The following URGCP variants were observed in gnomAD, a reference collection of about 807,000 sequenced individuals.
URGCP encodes the protein up-regulator of cell proliferation.
URGCP carries 13 observed loss-of-function variants against 24.6 expected under a neutral mutation model. That is an observed-to-expected ratio of 0.53 (90% CI 0.34 to 0.84). The LOEUF is 0.84. URGCP is among the 40% of genes least tolerant of loss of function. The pLI, the probability that URGCP is intolerant of heterozygous loss-of-function variation, is 0.01. For missense variants in URGCP, 899 were observed against 1,194.3 expected (o/e 0.75, Z 3.64); for synonymous variants, 444 against 487.2 (o/e 0.91, Z 1.17).
chr7:43,885,036 G>C (rs1442155827), intron 3 of URGCP, among the ~76,000 whole-genome samples: 1 of 152,036 alleles, frequency 6.6e-6, no homozygotes, highest in Non-Finnish European at 1.5e-5. Flanking sequence ...GCTTACATAG[G>C]TAAGTTCATG....
intron 1 of URGCP, among the ~76,000 whole-genome samples, chr7:43,891,590 C>A (rs2095870739): frequency 6.6e-6 from 1 of 152,180 alleles, no homozygotes; most frequent in African/African-American, 2.4e-5. Context: ...CAGTACTGCA[C>A]ATAGCTCTCT....
In URGCP at chr7:43,919,151, C is replaced by T. The variant is rs1402639365; in HGVS notation, c.-116+6981G>A. 5.8e-6 allele frequency: 5 copies of T among 862,696 alleles called. No homozygotes were observed. In the African/African-American group the frequency reaches 8.2e-5, roughly 14 times the overall value. The allele number at this position is 862,696 out of a possible 1,614,324, so 53.4% of individuals were successfully genotyped here. A position where few individuals can be genotyped will look rare whatever the true frequency, so the allele number is the denominator to read the frequency against. ...GGACAGGCTCTGGCCTGGGCTCCTA[C>T]CTCTTAGAATGGCTGAATGACAGGT... On this transcript the variant is annotated intron_variant, in intron 1 of 5. Transcript: ENST00000426198.
At position 43,876,924 on chromosome 7, in the gene URGCP, TGC is replaced by T; in HGVS notation, c.2537_2538del (p.Ser846LysfsTer25). On this transcript the variant is annotated frameshift_variant, in exon 6 of 6. Transcript: ENST00000453200. LOFTEE classifies it high-confidence loss of function. ...TGTTTCTCCATCTGGGCTGCAGCCC[TGC>T]TCAGGTCACCAGGTGGATCCAGGAG... ...RQLLDPPGDL[S>X]RAAAQMEKQG... 6.2e-7 allele frequency: 1 copy of T among 1,614,094 alleles called. No homozygotes were observed. The highest frequency in any genetic ancestry group is 8.5e-7 in the Non-Finnish European group (1 of 1,180,012).
chr7:43,893,806 G>C (rs1044524624), intron 1 of URGCP, among the ~76,000 whole-genome samples: 1 of 152,186 alleles, frequency 6.6e-6, no homozygotes, highest in Non-Finnish European at 1.5e-5. Context: ...GGGAGACGGA[G>C]GTTGCACTAA....
Position 43,877,653 on chromosome 7 carries a change from C to T in URGCP, c.1810G>A (p.Glu604Lys). 1 of 1,614,124 alleles carries T rather than the reference C, an allele frequency of 6.2e-7. No individual in the cohort carries two copies. The highest frequency in any genetic ancestry group is 8.5e-7 in the Non-Finnish European group (1 of 1,180,040). The part of the protein sequence containing the change: ...PKHGGTTDVG[E>K]PLWPEPLGVE... The stretch of plus-strand genomic sequence containing the variant: ...CCTAGGGGCTCAGGCCAGAGCGGCT[C>T]CCCCACGTCTGTGGTGCCCCCATGC... The change falls in exon 6 of 6, where the codon GAG becomes AAG. Residue 604 changes from glutamate (E) to lysine (K), a missense_variant. Coordinates refer to ENST00000453200, the MANE Select transcript of URGCP (RefSeq NM_001077663.3).
chr7:43,898,224 G>A (rs1018089580), intron 1 of URGCP, among the ~76,000 whole-genome samples: 2 of 152,194 alleles, frequency 1.3e-5, no homozygotes, highest in African/African-American at 4.8e-5. Context: ...GGTGCAGGTA[G>A]ACCTGGAAAA....
chr7:43,920,238 G>T (rs903806958), intron 1 of URGCP, among the ~76,000 whole-genome samples: 3 of 152,184 alleles, frequency 2.0e-5, no homozygotes, highest in Non-Finnish European at 4.4e-5. Flanking sequence ...CTTTAATAAA[G>T]CAGTGGATAT....
intron 3 of URGCP, among the ~76,000 whole-genome samples, chr7:43,886,102 A>G (rs1232621208): frequency 6.6e-6 from 1 of 152,208 alleles, no homozygotes; most frequent in East Asian, 1.9e-4. Flanking sequence ...AATGCTTACA[A>G]CAATGTTAGT....
At chr7:43,909,533 C>T (rs2095907724), upstream of URGCP, among the ~76,000 whole-genome samples, 1 of 151,718 alleles carries the variant, frequency 6.6e-6, no homozygotes, top group African/African-American at 2.4e-5. Flanking sequence ...TTGAGACAGC[C>T]TGGCCAACAT....
In URGCP at chr7:43,876,595, C is replaced by T. The variant is rs1031005864; in HGVS notation, c.*72G>A. 6 of 1,519,824 alleles carry T rather than the reference C, an allele frequency of 3.9e-6. No individual in the cohort carries two copies. The Admixed American group carries it at 9.2e-5, about 23-fold the overall frequency. The allele number at this position is 1,519,824 out of a possible 1,614,324, so 94.1% of individuals were successfully genotyped here. A position where few individuals can be genotyped will look rare whatever the true frequency, so the allele number is the denominator to read the frequency against. ...CATTCTCAGGCACCAGAGCACAGCC[C>T]CACACGGGTGCCCCATCAGACAGGG... On this transcript the variant is annotated 3_prime_UTR_variant, in exon 6 of 6. Coordinates refer to ENST00000453200, the MANE Select transcript of URGCP (RefSeq NM_001077663.3).
intron 1 of URGCP, chr7:43,889,214 T>C (rs1228319648): frequency 1.3e-5 from 2 of 152,180 alleles, no homozygotes; most frequent in African/African-American, 4.8e-5. Flanking sequence ...CAGGGTGCAG[T>C]GACTCATGCC....
At chr7:43,899,977 A>C (rs1031758102) in intron 1 of URGCP, among the ~76,000 whole-genome samples, 2 of 152,048 alleles carry the variant, frequency 1.3e-5, no homozygotes, top group Admixed American at 6.5e-5. Flanking sequence ...TCTACAAAAA[A>C]AATTTCTTAA....
At chr7:43,903,917 C>T (rs1224338073) in intron 1 of URGCP, among the ~76,000 whole-genome samples, 1 of 152,066 alleles carries the variant, frequency 6.6e-6, no homozygotes, top group Non-Finnish European at 1.5e-5. Context: ...AAAGAGCAGG[C>T]AGAGGAGCTG....
intron 3 of URGCP, among the ~76,000 whole-genome samples, chr7:43,887,169 A>G (rs2095863378): frequency 6.6e-6 from 1 of 152,166 alleles, no homozygotes; most frequent in South Asian, 2.1e-4. Context: ...CACTTACTCC[A>G]TTTTCTAGAA....
At chr7:43,887,379 C>A in intron 3 of URGCP, 36 bp downstream of exon 3, 1 of 1,611,756 alleles carries the variant, frequency 6.2e-7, no homozygotes, top group Middle Eastern at 1.7e-4. Flanking sequence ...TACTTCAGCT[C>A]CAGAGTGGGC....
intron 1 of URGCP, among the ~76,000 whole-genome samples, chr7:43,924,441 C>T (rs1160309235): frequency 6.6e-6 from 1 of 152,130 alleles, no homozygotes; most frequent in Non-Finnish European, 1.5e-5. Flanking sequence ...TTCAAAACCA[C>T]CATATACATT....
At chr7:43,906,768 G>T (rs1444887517), upstream of URGCP, 1 of 274,490 alleles carries the variant, frequency 3.6e-6, no homozygotes, top group Admixed American at 5.7e-5. Flanking sequence ...GGGCGGGGTG[G>T]GGGCGGGGCG....
chr7:43,905,097 GTT>G (rs2095898609), intron 1 of URGCP, among the ~76,000 whole-genome samples: 1 of 152,112 alleles, frequency 6.6e-6, no homozygotes, highest in Non-Finnish European at 1.5e-5. Context: ...CAGGGACACA[GTT>G]TAAGCCCTAC....
chr7:43,876,962 T>C lies in URGCP; in HGVS notation c.2501A>G (p.Asp834Gly). ...AGGTGGATCCAGGAGCTGTCTCTTG[T>C]CTCTGGGCCTAGGGCCGGGAACAGA... ...DVSVPGPRPR[D>G]KRQLLDPPGD... The change falls in exon 6 of 6, where the codon GAC becomes GGC. Residue 834 changes from aspartate (D) to glycine (G), a missense_variant. Coordinates refer to ENST00000453200, the MANE Select transcript of URGCP (RefSeq NM_001077663.3). The C allele has an allele frequency of 6.2e-7, 1 of 1,614,188 alleles. No homozygotes were observed.
Sources: allele counts gnomAD v4.1 joint callset (sites outside exome capture counted in the v4.1 genomes callset), GRCh38; gene constraint gnomAD v4.1.1; transcripts MANE v1.5; gene names NCBI Gene and HGNC (gene_info 2026-07-23, HGNC 2026-07-21).